RPL13A: variants seen among roughly 807,000 people sequenced by gnomAD.
RPL13A encodes the protein large ribosomal subunit protein uL13.
A neutral mutation model predicts 30.8 loss-of-function variants in RPL13A; 4 were observed. The observed-to-expected ratio is 0.13, with a 90% confidence interval of 0.06 to 0.30. RPL13A has a LOEUF of 0.30. Ranked by LOEUF, RPL13A falls within the 10% of genes least tolerant of loss-of-function variation. The pLI, the probability that RPL13A is intolerant of heterozygous loss-of-function variation, is 1.00. For synonymous variants in RPL13A, 108 were observed against 104.2 expected, an observed-to-expected ratio of 1.04 and a Z score of -0.22; for missense variants, 196 against 272.6, an observed-to-expected ratio of 0.72 and a Z score of 1.98.
chr19:49,491,157 C>T (rs765789510), intron 6 of RPL13A, 58 bp downstream of exon 6: 9 of 1,576,022 alleles, frequency 5.7e-6, no homozygotes, highest in Non-Finnish European at 8.7e-7. Flanking sequence ...TGCTGAGGGA[C>T]CTGGGGACCT....
chr19:49,490,849 A>T lies in RPL13A; in HGVS notation c.327A>T (p.Pro109=), dbSNP rs749197690. 6.2e-7 allele frequency: 1 copy of T among 1,614,068 alleles called. No individual in the cohort carries two copies. Among genetic ancestry groups the T allele is most frequent in the Non-Finnish European group, 8.5e-7 (1 of 1,180,024 alleles). Residue 109 remains proline (P), a synonymous_variant, in exon 5 of 8, where the codon CCA becomes CCT. Coordinates refer to ENST00000391857, the MANE Select transcript of RPL13A (RefSeq NM_012423.4). ...LDRLKVFDGI[P]PPYDKKKRMV... is the part of the protein sequence containing the mutation. Reference sequence around the variant, plus strand: ...GTCTCAAGGTGTTTGACGGCATCCCACCGCCCTACGACAAGGTGAGCTATG... The same window carrying T: ...GTCTCAAGGTGTTTGACGGCATCCCTCCGCCCTACGACAAGGTGAGCTATG...
Position 49,489,812 on chromosome 19 carries a change from TCCTTGTCTCTGAGTCCTTTTGC to T in RPL13A, c.16-28_16-7del, listed in dbSNP as rs59327201. The T allele has an allele frequency of 0.019, 28,652 of 1,524,590 alleles. 2,199 individuals are homozygous for T. The highest frequency in any genetic ancestry group is 0.17 in the Admixed American group (9,910 of 59,878). 94.4% of individuals were successfully genotyped at this position (1,524,590 alleles called of 1,614,324 possible). On this transcript the variant is annotated splice_polypyrimidine_tract_variant and intron_variant, in intron 1 of 7. Transcript: ENST00000391857. Reference sequence around the variant, plus strand: ...TGCTTGTGAGGACAATCAAAGGCTGTCCTTGTCTCTGAGTCCTTTTGCCCTTGTCTCCCACAGGTCCTGGTGC... The same window carrying T: ...TGCTTGTGAGGACAATCAAAGGCTGTCCTTGTCTCCCACAGGTCCTGGTGC...
chr19:49,491,291 C>T, intron 6 of RPL13A, 134 bp from the exon 7 acceptor site: 4 of 1,150,790 alleles, frequency 3.5e-6, no homozygotes, highest in South Asian at 1.2e-5. Flanking sequence ...AACAGGCCTG[C>T]AGAGAACAGT....
intron 1 of RPL13A, among the ~76,000 whole-genome samples, chr19:49,488,644 C>G (rs1469682156): frequency 6.6e-6 from 1 of 152,242 alleles, no homozygotes; most frequent in South Asian, 2.1e-4. Flanking sequence ...CCAACGCTTA[C>G]AAAGCATGTG....
rs1395808834 is a variant in RPL13A at position 49,491,035 on chromosome 19, A to G, written c.343-5A>G. ...GGCTCTTAAGCCCCTCTCTTTCTCT[A>G]ACAGAAAAAGCGGATGGTGGTTCCT... On this transcript the variant is annotated splice_polypyrimidine_tract_variant and splice_region_variant and intron_variant, in intron 5 of 7. Transcript: ENST00000391857. 1 of 1,614,098 alleles carries G rather than the reference A, an allele frequency of 6.2e-7. No individual in the cohort carries two copies. The highest frequency in any genetic ancestry group is 8.5e-7 in the Non-Finnish European group (1 of 1,180,000).
At position 49,490,179 on chromosome 19, in the gene RPL13A, A is replaced by G. The variant is rs532376186; in HGVS notation, c.89-53A>G. ...GTGTCTGGAGGGTGACTGCATAGGC[A>G]GTGGTGGGACCCTCAGGCGGCTCGG... On this transcript the variant is annotated intron_variant, in intron 2 of 7. Transcript: ENST00000391857. 5.2e-6 allele frequency: 8 copies of G among 1,535,126 alleles called. No individual in the cohort carries two copies. In the African/African-American group the frequency reaches 1.1e-4, roughly 21 times the overall value.
intron 1 of RPL13A, among the ~76,000 whole-genome samples, chr19:49,489,459 A>G (rs1306914166): frequency 1.3e-5 from 2 of 152,218 alleles, no homozygotes; most frequent in Non-Finnish European, 2.9e-5. Flanking sequence ...AGCCTGTGCA[A>G]CAGCGAGACC....
intron 5 of RPL13A, 80 bp from the exon 6 acceptor site, chr19:49,490,960 C>T (rs1179971326): frequency 1.9e-6 from 3 of 1,604,574 alleles, no homozygotes; most frequent in Non-Finnish European, 8.5e-7. Context: ...GAAAGCAGCA[C>T]TGGCTGAGAC....
At position 49,491,076 on chromosome 19, in the gene RPL13A, G is replaced by C; in HGVS notation, c.379G>C (p.Val127Leu). 1 of 1,614,206 alleles carries C rather than the reference G, an allele frequency of 6.2e-7. No homozygotes were observed. The highest frequency in any genetic ancestry group is 8.5e-7 in the Non-Finnish European group (1 of 1,180,040). The change falls in exon 6 of 8, where the codon GTG becomes CTG. Residue 127 changes from valine (V) to leucine (L), a missense_variant. Val to Leu is a conservative substitution (Grantham distance 32). Transcript: ENST00000391857. Reference sequence around the variant, plus strand: ...GGTGGTTCCTGCTGCCCTCAAGGTCGTGCGTCTGAAGCCTACAAGAAAGGT... The same window carrying C: ...GGTGGTTCCTGCTGCCCTCAAGGTCCTGCGTCTGAAGCCTACAAGAAAGGT... Reference protein sequence around the residue: ...RMVVPAALKVVRLKPTRKFAY... With the variant: ...RMVVPAALKVLRLKPTRKFAY...
Position 49,491,345 on chromosome 19 carries a change from A to ACAGC in RPL13A, c.403-79_403-76dup. 2.2e-6 allele frequency: 3 copies of ACAGC among 1,376,554 alleles called. No homozygotes were observed. In the South Asian group the frequency reaches 3.5e-5, roughly 16 times the overall value. 85.3% of individuals were successfully genotyped at this position (1,376,554 alleles called of 1,614,324 possible). ...GCTGTCAGTCACCTCCCAGCTCTCAACAGCTCCGGCTCTTCAGGGTGTGGG... is the reference window on the plus strand; with the variant it reads ...GCTGTCAGTCACCTCCCAGCTCTCAACAGCCAGCTCCGGCTCTTCAGGGTGTGGG... On this transcript the variant is annotated intron_variant, in intron 6 of 7. Coordinates refer to ENST00000391857, the MANE Select transcript of RPL13A (RefSeq NM_012423.4).
At chr19:49,490,008 C>A in intron 2 of RPL13A, 86 bp downstream of exon 2, 1 of 1,198,538 alleles carries the variant, frequency 8.3e-7, no homozygotes, top group Non-Finnish European at 1.2e-6. Context: ...GTTTGAGTCT[C>A]ACGGCCATGA....
intron 1 of RPL13A, among the ~76,000 whole-genome samples, chr19:49,488,544 T>G (rs1012269933): frequency 6.6e-6 from 1 of 152,220 alleles, no homozygotes; most frequent in Non-Finnish European, 1.5e-5. Context: ...GGTATCCTTG[T>G]TTTACAGAGG....
intron 2 of RPL13A, 98 bp downstream of exon 2, chr19:49,490,020 A>G (rs184602916): frequency 1.8e-6 from 2 of 1,097,106 alleles, no homozygotes; most frequent in South Asian, 1.2e-5. Context: ...CGGCCATGAG[A>G]TCAACCCCAT....
chr19:49,491,676 T>C lies in RPL13A; in HGVS notation c.526-53T>C. On this transcript the variant is annotated intron_variant, in intron 7 of 7. Coordinates refer to ENST00000391857, the MANE Select transcript of RPL13A (RefSeq NM_012423.4). ...TTGGGGTGGGATGCAGTCCATGTAA[T>C]GAGGGCAATGCAACCCCTCCTGACC... The C allele has an allele frequency of 3.2e-6, 5 of 1,586,774 alleles. No individual in the cohort carries two copies. In the South Asian group the frequency reaches 3.4e-5, roughly 11 times the overall value.
At chr19:49,489,192 A>T (rs2079839863) in intron 1 of RPL13A, among the ~76,000 whole-genome samples, 1 of 152,204 alleles carries the variant, frequency 6.6e-6, no homozygotes, top group Non-Finnish European at 1.5e-5. Context: ...AGAGAATTAG[A>T]TTGTGTTAAC....
In RPL13A at chr19:49,491,400, TCACCCCCCCCC is replaced by T; in HGVS notation, c.403-23_403-13del. 2 of 976,860 alleles carry T rather than the reference TCACCCCCCCCC, an allele frequency of 2.0e-6. No homozygotes were observed. The highest frequency in any genetic ancestry group is 2.8e-6 in the Non-Finnish European group (2 of 714,554). The allele number at this position is 976,860 out of a possible 1,614,324, so 60.5% of individuals were successfully genotyped here. Reference sequence around the variant, plus strand: ...TAGATATCCTTACAACTTCATTTGTTCACCCCCCCCCCCCCCCCCCGCAGTTTGCCTATCTG... The same window carrying T: ...TAGATATCCTTACAACTTCATTTGTTCCCCCCCCCGCAGTTTGCCTATCTG... On this transcript the variant is annotated splice_polypyrimidine_tract_variant and intron_variant, in intron 6 of 7. Coordinates refer to ENST00000391857, the MANE Select transcript of RPL13A (RefSeq NM_012423.4).
intron 1 of RPL13A, among the ~76,000 whole-genome samples, chr19:49,489,171 T>C (rs1421211174): frequency 6.6e-6 from 1 of 152,212 alleles, no homozygotes; most frequent in African/African-American, 2.4e-5. Flanking sequence ...AGAAACATCC[T>C]ATACATTAGA....
Position 49,491,834 on chromosome 19 carries a change from A to G in RPL13A, c.*19A>G, listed in dbSNP as rs2079874767. The G allele has an allele frequency of 6.4e-7, 1 of 1,573,644 alleles. No individual in the cohort carries two copies. Among genetic ancestry groups the G allele is most frequent in the Non-Finnish European group, 8.7e-7 (1 of 1,153,234 alleles). ...GGTCTGAGCCCAATAAAGACTGTTA[A>G]TTCCTCATGCGTTGCCTGCCCTTCC... On this transcript the variant is annotated 3_prime_UTR_variant, in exon 8 of 8. Coordinates refer to ENST00000391857, the MANE Select transcript of RPL13A (RefSeq NM_012423.4).
At chr19:49,490,095 TTATG>T (rs2079850282) in intron 2 of RPL13A, 133 bp from the exon 3 acceptor site, 2 of 1,047,660 alleles carry the variant, frequency 1.9e-6, no homozygotes, top group Non-Finnish European at 1.5e-6. Flanking sequence ...CAAGAAGTAA[TTATG>T]TATTAGGCTA....
Sources: gnomAD v4.1 joint callset for allele counts (sites outside exome capture counted in the v4.1 genomes callset) on GRCh38, gnomAD v4.1.1 for gene constraint, MANE v1.5 for transcripts, NCBI Gene and HGNC (gene_info 2026-07-23, HGNC 2026-07-21) for gene names.